The following CNTNAP5 variants were observed in gnomAD, a reference collection of about 807,000 sequenced individuals.
CNTNAP5 encodes contactin-associated protein-like 5.
Under a neutral mutation model 150.2 loss-of-function variants are expected in CNTNAP5, and 72 were observed. The observed-to-expected ratio is 0.48, with a 90% CI of 0.40 to 0.58. The LOEUF (loss-of-function observed/expected upper bound fraction) is 0.58, where lower values mean the gene tolerates loss of function less well. CNTNAP5 is among the 20% of genes least tolerant of loss of function. The pLI is 0.00. For synonymous variants in CNTNAP5, 672 were observed against 619.8 expected (o/e 1.08, Z -1.25); for missense variants, 1,636 against 1,626.2 (o/e 1.01, Z -0.10).
At chr2:124,621,138 T>C (rs1366991333) in intron 12 of CNTNAP5, among the ~76,000 whole-genome samples, 2 of 152,222 alleles carry the variant, frequency 1.3e-5, no homozygotes, top group Admixed American at 6.5e-5. Flanking sequence ...CCTTTTTTAA[T>C]GTTAACAGGA....
At chr2:124,145,836 A>AG (rs1558773977) in intron 1 of CNTNAP5, among the ~76,000 whole-genome samples, 1 of 75,798 alleles carries the variant, frequency 1.3e-5, no homozygotes, top group African/African-American at 4.8e-5. Context: ...AAAGAAGAAA[A>AG]AAAAAAAAAA....
intron 10 of CNTNAP5, among the ~76,000 whole-genome samples, chr2:124,543,758 G>A (rs949030051): frequency 6.6e-6 from 1 of 152,036 alleles, no homozygotes; most frequent in Non-Finnish European, 1.5e-5. Context: ...AAACTCTGTA[G>A]CATCGTCAAA....
At chr2:124,910,374 T>A (rs1457630578) in intron 22 of CNTNAP5, among the ~76,000 whole-genome samples, 4 of 152,110 alleles carry the variant, frequency 2.6e-5, no homozygotes, top group African/African-American at 7.2e-5. Context: ...TTACGTTGTA[T>A]CAGCCACTGT....
At chr2:124,838,881 C>G (rs757188140) in intron 19 of CNTNAP5, among the ~76,000 whole-genome samples, 1 of 152,120 alleles carries the variant, frequency 6.6e-6, no homozygotes, top group East Asian at 1.9e-4. Flanking sequence ...TAACTACCAT[C>G]TGCCATATAT....
At chr2:124,798,660 G>C (rs1681900085) in intron 19 of CNTNAP5, among the ~76,000 whole-genome samples, 1 of 152,182 alleles carries the variant, frequency 6.6e-6, no homozygotes, top group African/African-American at 2.4e-5. Flanking sequence ...CTTGCCACAT[G>C]TATTTTGTCA....
At chr2:124,444,798 A>T (rs1156808622) in intron 5 of CNTNAP5, among the ~76,000 whole-genome samples, 2 of 151,960 alleles carry the variant, frequency 1.3e-5, no homozygotes, top group African/African-American at 4.8e-5. Context: ...ACATCTCTAA[A>T]CCTGGCTGCT....
At chr2:124,400,670 T>TTTC in intron 3 of CNTNAP5, among the ~76,000 whole-genome samples, 1 of 40,924 alleles carries the variant, frequency 2.4e-5, no homozygotes, top group Admixed American at 2.5e-4. Context: ...AAAGGCATTG[T>TTTC]TTTTTTTTTT....
intron 13 of CNTNAP5, among the ~76,000 whole-genome samples, chr2:124,706,432 G>A (rs936354977): frequency 1.3e-5 from 2 of 152,030 alleles, no homozygotes; most frequent in East Asian, 1.9e-4. Context: ...TTGCTTATTT[G>A]TCATGATTTC....
At chr2:124,682,829 CTT>C (rs1350371939) in intron 13 of CNTNAP5, among the ~76,000 whole-genome samples, 4 of 152,132 alleles carry the variant, frequency 2.6e-5, no homozygotes, top group Non-Finnish European at 5.9e-5. Context: ...ATCGTGCCAC[CTT>C]ACCAGCTATG....
chr2:124,045,293 C>CTTT (rs5834033), intron 1 of CNTNAP5, among the ~76,000 whole-genome samples: 5 of 138,426 alleles, frequency 3.6e-5, no homozygotes, highest in South Asian at 4.6e-4. Flanking sequence ...TTTTCTTTTC[C>CTTT]TTTTTTTTTT....
intron 3 of CNTNAP5, among the ~76,000 whole-genome samples, chr2:124,412,617 C>G (rs940983646): frequency 6.8e-6 from 1 of 147,286 alleles, no homozygotes; most frequent in African/African-American, 2.6e-5. Context: ...CTGAGAAAAA[C>G]AAGCAATGGG....
chr2:124,748,588 C>A (rs1680656818), intron 14 of CNTNAP5, among the ~76,000 whole-genome samples: 1 of 152,156 alleles, frequency 6.6e-6, no homozygotes, highest in Non-Finnish European at 1.5e-5. Context: ...TTATGTTAAG[C>A]TAGTCTCAAT....
At chr2:124,097,455 T>C (rs1682961679) in intron 1 of CNTNAP5, among the ~76,000 whole-genome samples, 1 of 152,192 alleles carries the variant, frequency 6.6e-6, no homozygotes, top group Admixed American at 6.5e-5. Context: ...ACAGTATGCA[T>C]ATTCTGAAAA....
In CNTNAP5 at chr2:124,474,875, A is replaced by G. The variant is rs1376353670; in HGVS notation, c.1055A>G (p.Tyr352Cys). 6 of 1,599,888 alleles carry G rather than the reference A, an allele frequency of 3.8e-6. No homozygotes were observed. Among genetic ancestry groups the G allele is most frequent in the East Asian group, 2.3e-5 (1 of 44,174 alleles). ...GCTAAGAGACGAAAGCATCAGATCTATACTGTGGTAAGTCAGCCCATCTGT... is the reference window on the plus strand; with the variant it reads ...GCTAAGAGACGAAAGCATCAGATCTGTACTGTGGTAAGTCAGCCCATCTGT... ...DLAKRRKHQI[Y>C]TVGNVTFSCS... Residue 352 changes from tyrosine to cysteine, a missense_variant, in exon 7 of 24, where the codon TAT becomes TGT. By Grantham distance (194) the Tyr-to-Cys change is radical (BLOSUM62 -2). Transcript: ENST00000682447.
At chr2:124,435,365 A>G (rs1204386323) in intron 5 of CNTNAP5, among the ~76,000 whole-genome samples, 2 of 152,158 alleles carry the variant, frequency 1.3e-5, no homozygotes, top group Non-Finnish European at 2.9e-5. Context: ...ATCCCAGAGA[A>G]GGAGGAGAGA....
At position 124,475,933 on chromosome 2, in the gene CNTNAP5, G is replaced by C. The variant is rs193041595; in HGVS notation, c.1062+1051G>C. ...AAGTGCCTGTTTATTTTGTTTCCTGGGTTTTTAAAAATTCTCTATTTTCTC... is the reference window on the plus strand; with the variant it reads ...AAGTGCCTGTTTATTTTGTTTCCTGCGTTTTTAAAAATTCTCTATTTTCTC... On this transcript the variant is annotated intron_variant, in intron 7 of 23. Transcript: ENST00000682447. 1.0e-3 allele frequency among the ~76,000 whole-genome samples: 152 copies of C among 151,680 alleles called. 1 individual carries two copies. The highest frequency in any genetic ancestry group is 3.8e-3 in the Admixed American group (58 of 15,182).
chr2:124,259,007 C>T (rs1177654), intron 3 of CNTNAP5, among the ~76,000 whole-genome samples: 41,277 of 121,822 alleles, frequency 0.34, 4,959 homozygotes, highest in Admixed American at 0.43. Flanking sequence ...TCCCTCCCCC[C>T]TCCCCCCACC....
rs138920096 is a variant in CNTNAP5 at position 124,446,249 on chromosome 2, A to G, written c.734-504A>G. ...TTAAAGATGAAAGTTATTTCTTCCTAAGTGCCGTGCATACAGTAGGTACTC... is the reference window on the plus strand; with the variant it reads ...TTAAAGATGAAAGTTATTTCTTCCTGAGTGCCGTGCATACAGTAGGTACTC... On this transcript the variant is annotated intron_variant, in intron 5 of 23. Transcript: ENST00000682447. 8.5e-5 allele frequency among the ~76,000 whole-genome samples: 13 copies of G among 152,270 alleles called. No individual in the cohort carries two copies. The East Asian group carries it at 2.5e-3, about 29-fold the overall frequency.
intron 13 of CNTNAP5, among the ~76,000 whole-genome samples, chr2:124,681,689 G>A (rs1367158864): frequency 6.6e-6 from 1 of 152,114 alleles, no homozygotes; most frequent in Non-Finnish European, 1.5e-5. Flanking sequence ...TCAGCCTCCT[G>A]AGTAGCTGGG....
Sources: gnomAD v4.1 joint callset for allele counts (sites outside exome capture counted in the v4.1 genomes callset) on GRCh38, gnomAD v4.1.1 for gene constraint, MANE v1.5 for transcripts, NCBI Gene and HGNC (gene_info 2026-07-23, HGNC 2026-07-21) for gene names.